Variants in ITGA2B observed in about 807,000 individuals in gnomAD.
ITGA2B encodes the protein integrin alpha-IIb.
In ITGA2B, 91 loss-of-function variants were observed where a neutral mutation model predicts 142.0. The ratio of observed to expected loss-of-function variants is 0.64; its 90% CI spans 0.54 to 0.76. The LOEUF (loss-of-function observed/expected upper bound fraction) is 0.76. Among genes scored for constraint, ITGA2B ranks in the 30% least tolerant of loss-of-function variants. ITGA2B has a pLI of 0.00. For missense variants in ITGA2B, 1,231 were observed against 1,350.8 expected, an observed-to-expected ratio of 0.91 and a Z score of 1.39; for synonymous variants, 536 against 567.2, an observed-to-expected ratio of 0.94 and a Z score of 0.78.
chr17:44,376,498 G>T, intron 22 of ITGA2B, 110 bp from the exon 23 acceptor site: 1 of 939,428 alleles, frequency 1.1e-6, no homozygotes, highest in Non-Finnish European at 1.7e-6. Context: ...TATACAAAGA[G>T]CATGCCACAC....
rs375511253 is a variant in ITGA2B at position 44,385,129 on chromosome 17, C to G, written c.670+35G>C. 2.7e-5 allele frequency: 43 copies of G among 1,613,888 alleles called. No homozygotes were observed. In the South Asian group the frequency reaches 4.2e-4, roughly 16 times the overall value. On this transcript the variant is annotated intron_variant, in intron 6 of 29. Coordinates refer to ENST00000262407, the MANE Select transcript of ITGA2B (RefSeq NM_000419.5). ...AGCCCAAAGCGGTCTCCTTGGGCCG[C>G]GAGAAGGGAGGGAGGTGTACGGATG...
intron 5 of ITGA2B, 29 bp downstream of exon 5, chr17:44,385,256 GC>G (rs2048635049): frequency 1.2e-6 from 2 of 1,613,560 alleles, no homozygotes; most frequent in African/African-American, 1.3e-5. Flanking sequence ...TTTGGGAGCC[GC>G]CCCCACTGCG....
At chr17:44,385,775 G>A (rs1440879104) in intron 3 of ITGA2B, 49 bp downstream of exon 3, 7 of 1,612,020 alleles carry the variant, frequency 4.3e-6, no homozygotes, top group Non-Finnish European at 5.9e-6. Flanking sequence ...CCTGGCCCCA[G>A]GTGTCCCTGC....
rs2143506303 is a variant in ITGA2B at position 44,389,298 on chromosome 17, T to C, written c.176A>G (p.Asp59Gly). 1 of 1,614,168 alleles carries C rather than the reference T, an allele frequency of 6.2e-7. No homozygotes were observed. The highest frequency in any genetic ancestry group is 8.5e-7 in the Non-Finnish European group (1 of 1,180,030). Residue 59 changes from aspartate (D) to glycine (G), a missense_variant, in exon 1 of 30, where the codon GAC becomes GGC. Around this residue, in one of 3 missense-constraint regions of ITGA2B, gnomAD observed 318 missense variants for 312.2 expected, o/e 1.02. Transcript: ENST00000262407. ...CCTTACGGCTCACCTCCCATGGCTG[T>C]CCTTGTGGAAGTCCAGTGAAAATCC... ...QFGFSLDFHK[D>G]SHGRVAIVVG...
intron 1 of ITGA2B, among the ~76,000 whole-genome samples, chr17:44,388,681 G>A (rs1267555306): frequency 6.6e-6 from 1 of 152,026 alleles, no homozygotes; most frequent in Non-Finnish European, 1.5e-5. Context: ...ACCACGCTCA[G>A]CTAATTTTTG....
At chr17:44,379,645 T>G in intron 18 of ITGA2B, 44 bp downstream of exon 18, 1 of 1,613,560 alleles carries the variant, frequency 6.2e-7, no homozygotes, top group Non-Finnish European at 8.5e-7. Context: ...TGATTTGCTA[T>G]CAGGGGTCCT....
Position 44,378,614 on chromosome 17 carries a change from G to A in ITGA2B, c.1946+29C>T, listed in dbSNP as rs758736338. Reference sequence around the variant, plus strand: ...CAGGTATGATAGGCAGAAAGGGCCAGGGTCGGGCAGAATGGGAGGCCTCCT... The same window carrying A: ...CAGGTATGATAGGCAGAAAGGGCCAAGGTCGGGCAGAATGGGAGGCCTCCT... On this transcript the variant is annotated intron_variant, in intron 19 of 29. Transcript: ENST00000262407. The A allele has an allele frequency of 1.9e-6, 3 of 1,576,594 alleles. No homozygotes were observed. The South Asian group carries it at 3.5e-5, about 18-fold the overall frequency.
chr17:44,372,456 A>G (rs2143418038), intron 29 of ITGA2B, 33 bp from the exon 30 acceptor site: 5 of 1,606,862 alleles, frequency 3.1e-6, no homozygotes, highest in Non-Finnish European at 4.3e-6. Context: ...GTCAGGGTAT[A>G]CAGATGATTT....
chr17:44,375,194 G>A, intron 26 of ITGA2B, 83 bp from the exon 27 acceptor site: 3 of 1,155,394 alleles, frequency 2.6e-6, no homozygotes, highest in East Asian at 2.6e-5. Flanking sequence ...AGGACCCAAC[G>A]CAGAAGGGGC....
Position 44,375,117 on chromosome 17 carries a change from G to A in ITGA2B, c.2728-6C>T, listed in dbSNP as rs2048529297. The A allele has an allele frequency of 6.5e-7, 1 of 1,547,768 alleles. No homozygotes were observed. The highest frequency in any genetic ancestry group is 8.7e-7 in the Non-Finnish European group (1 of 1,145,792). On this transcript the variant is annotated splice_region_variant and splice_polypyrimidine_tract_variant and intron_variant, in intron 26 of 29. Coordinates refer to ENST00000262407, the MANE Select transcript of ITGA2B (RefSeq NM_000419.5). ...CAGGGCGCCGAGTCGCAGCTCTGAG[G>A]GGAAGCATCGTCAGTCCCCAGCCCG... is the stretch of plus-strand genomic sequence containing the variant.
intron 12 of ITGA2B, 67 bp from the exon 13 acceptor site, chr17:44,381,128 TC>T (rs1567902868): frequency 6.7e-7 from 1 of 1,487,584 alleles, no homozygotes; most frequent in Non-Finnish European, 9.2e-7. Flanking sequence ...TGTAAAACTT[TC>T]CTGAGCTTCT....
In ITGA2B at chr17:44,375,704, G is replaced by T. The variant is rs149468422; in HGVS notation, c.2614C>A (p.Leu872Met). The change falls in exon 26 of 30, where the codon CTG becomes ATG. Residue 872 changes from leucine (L) to methionine (M), a missense_variant. By Grantham distance (15) the Leu-to-Met change is conservative. Coordinates refer to ENST00000262407, the MANE Select transcript of ITGA2B (RefSeq NM_000419.5). ...ATGGGGGAGGGGCTGGGGATGGGCA[G>T]CCCCCAGTCCACCTGGGGGGGCAAA... ...PVNPLKVDWG[L>M]PIPSPSPIHP... 1.2e-3 allele frequency: 1,920 copies of T among 1,585,784 alleles called. 22 individuals carry two copies. In the African/African-American group the frequency reaches 0.022, roughly 18 times the overall value.
In ITGA2B at chr17:44,389,301, T is replaced by G; in HGVS notation, c.173A>C (p.Lys58Thr). ...SQFGFSLDFH[K>T]DSHGRVAIVV... ...TACGGCTCACCTCCCATGGCTGTCC[T>G]TGTGGAAGTCCAGTGAAAATCCAAA... The change falls in exon 1 of 30, where the codon AAG becomes ACG. Residue 58 changes from lysine to threonine, a missense_variant. Around this residue, in one of 3 missense-constraint regions of ITGA2B, gnomAD observed 318 missense variants for 312.2 expected, o/e 1.02. Transcript: ENST00000262407. The G allele has an allele frequency of 6.2e-7, 1 of 1,614,162 alleles. No individual in the cohort carries two copies. Among genetic ancestry groups the G allele is most frequent in the Non-Finnish European group, 8.5e-7 (1 of 1,180,024 alleles).
At chr17:44,389,236 G>A (rs1325174644) in intron 1 of ITGA2B, 50 bp downstream of exon 1, 1 of 1,591,792 alleles carries the variant, frequency 6.3e-7, no homozygotes. Context: ...AAGCAGTGAT[G>A]GGGAGGGGTC....
chr17:44,380,699 T>C (rs1301081337), intron 13 of ITGA2B, 54 bp from the exon 14 acceptor site: 1 of 1,612,060 alleles, frequency 6.2e-7, no homozygotes, highest in African/African-American at 1.3e-5. Flanking sequence ...GGGATCCTCA[T>C]CTCATCTTCC....
intron 28 of ITGA2B, 49 bp from the exon 29 acceptor site, chr17:44,374,519 C>T: frequency 6.3e-7 from 1 of 1,575,918 alleles, no homozygotes; most frequent in Non-Finnish European, 8.7e-7. Context: ...ACCTGCCTTT[C>T]ACAAAGACTC....
intron 12 of ITGA2B, among the ~76,000 whole-genome samples, chr17:44,382,430 C>A (rs1209055935): frequency 6.6e-6 from 1 of 151,994 alleles, no homozygotes; most frequent in East Asian, 1.9e-4. Context: ...GGCTTCTGAC[C>A]CTATCTTGGC....
Position 44,379,816 on chromosome 17 carries a change from TAGGAC to T in ITGA2B, c.1753-7_1753-3del. 6 of 1,613,860 alleles carry T rather than the reference TAGGAC, an allele frequency of 3.7e-6. No individual in the cohort carries two copies. The highest frequency in any genetic ancestry group is 5.1e-6 in the Non-Finnish European group (6 of 1,179,992). On this transcript the variant is annotated splice_region_variant and splice_polypyrimidine_tract_variant and intron_variant, in intron 17 of 29. Transcript: ENST00000262407. ...CTTGTCCCGGAAGTCTGCCTCATCC[TAGGAC>T]AGGGGCAAGAGTCAGGCCATCTTGC...
chr17:44,376,365 C>A lies in ITGA2B; in HGVS notation c.2291G>T (p.Ser764Ile). ...IRSKNSQNPN[S>I]KIVLLDVPVR... is the part of the protein sequence containing the mutation. The stretch of plus-strand genomic sequence containing the variant: ...CGGCACGTCCAGCAGCACAATCTTG[C>A]TGTTTGGATTCTGGCTGTTCTTGCT... The change falls in exon 23 of 30, where the codon AGC becomes ATC. Residue 764 changes from serine (S) to isoleucine (I), a missense_variant. Coordinates refer to ENST00000262407, the MANE Select transcript of ITGA2B (RefSeq NM_000419.5). 2 of 1,614,174 alleles carry A rather than the reference C, an allele frequency of 1.2e-6. No homozygotes were observed. Among genetic ancestry groups the A allele is most frequent in the Non-Finnish European group, 1.7e-6 (2 of 1,180,034 alleles).
Sources: allele counts gnomAD v4.1 joint callset (sites outside exome capture counted in the v4.1 genomes callset), GRCh38; gene constraint gnomAD v4.1.1; regional missense constraint gnomAD v4.1.1; transcripts MANE v1.5; gene names NCBI Gene and HGNC (gene_info 2026-07-23, HGNC 2026-07-21).